Variants in MAPKAP1 observed in about 807,000 individuals in gnomAD.
MAPKAP1 encodes the protein MAPK associated protein 1, also known as target of rapamycin complex 2 subunit MAPKAP1.
In MAPKAP1, 20 loss-of-function variants were observed where a neutral mutation model predicts 65.7. The observed-to-expected ratio is 0.30, with a 90% confidence interval of 0.21 to 0.44. The LOEUF (loss-of-function observed/expected upper bound fraction) is 0.44. MAPKAP1 is among the 20% of genes least tolerant of loss of function. MAPKAP1 has a pLI of 1.00. For missense variants in MAPKAP1, 423 were observed against 648.0 expected (o/e 0.65, Z 3.77); for synonymous variants, 222 against 244.3 (o/e 0.91, Z 0.85).
At chr9:125,554,442 G>C (rs946324445) in intron 6 of MAPKAP1, among the ~76,000 whole-genome samples, 1 of 152,232 alleles carries the variant, frequency 6.6e-6, no homozygotes, top group Non-Finnish European at 1.5e-5. Context: ...AACAGGGAGA[G>C]TCCTGGACAA....
intron 11 of MAPKAP1, among the ~76,000 whole-genome samples, chr9:125,442,585 C>G (rs1334315506): frequency 6.7e-6 from 1 of 149,092 alleles, no homozygotes; most frequent in African/African-American, 2.5e-5. Flanking sequence ...TGGAATATTT[C>G]TCTGCCAGGT....
intron 3 of MAPKAP1, among the ~76,000 whole-genome samples, chr9:125,659,551 C>T (rs539615409): frequency 2.0e-5 from 3 of 152,084 alleles, no homozygotes; most frequent in Non-Finnish European, 4.4e-5. Context: ...CGAGGATGAA[C>T]TCCCTCTGCC....
chr9:125,438,796 G>T lies in MAPKAP1; in HGVS notation c.*91C>A. On this transcript the variant is annotated 3_prime_UTR_variant, in exon 12 of 12. Transcript: ENST00000265960. Reference sequence around the variant, plus strand: ...GTGAGCCAGGGGCTGGCCTCCCCCCGAGGACTTCAGGACACCGGGTGGACT... The same window carrying T: ...GTGAGCCAGGGGCTGGCCTCCCCCCTAGGACTTCAGGACACCGGGTGGACT... The T allele has an allele frequency of 1.9e-6, 3 of 1,549,492 alleles. No individual in the cohort carries two copies. The highest frequency in any genetic ancestry group is 2.6e-6 in the Non-Finnish European group (3 of 1,137,316).
intron 4 of MAPKAP1, among the ~76,000 whole-genome samples, chr9:125,652,586 T>C (rs1000688267): frequency 4.6e-5 from 7 of 152,166 alleles, no homozygotes; most frequent in African/African-American, 1.7e-4. Flanking sequence ...AAGTCACAGT[T>C]GTCTATATGA....
At chr9:125,705,247 C>T (rs1835722125) in intron 1 of MAPKAP1, among the ~76,000 whole-genome samples, 2 of 152,190 alleles carry the variant, frequency 1.3e-5, no homozygotes, top group African/African-American at 4.8e-5. Context: ...CAGATTTAGG[C>T]ATCAGACAGA....
intron 3 of MAPKAP1, among the ~76,000 whole-genome samples, chr9:125,658,864 G>A (rs1834106845): frequency 6.6e-6 from 1 of 152,084 alleles, no homozygotes. Flanking sequence ...ATCCGCAATA[G>A]ACGTGTTCAA....
At chr9:125,546,727 G>A (rs1254989893) in intron 6 of MAPKAP1, among the ~76,000 whole-genome samples, 1 of 151,432 alleles carries the variant, frequency 6.6e-6, no homozygotes, top group Non-Finnish European at 1.5e-5. Flanking sequence ...TAGTGGGCAG[G>A]AAAGGAAGGG....
chr9:125,661,707 T>C (rs983613661), intron 3 of MAPKAP1, among the ~76,000 whole-genome samples: 1 of 152,236 alleles, frequency 6.6e-6, no homozygotes, highest in Non-Finnish European at 1.5e-5. Context: ...TAGATTTCTC[T>C]GACTTTATCT....
At chr9:125,622,995 G>A (rs1350059857) in intron 4 of MAPKAP1, among the ~76,000 whole-genome samples, 11 of 152,142 alleles carry the variant, frequency 7.2e-5, no homozygotes, top group South Asian at 6.2e-4. Flanking sequence ...ACGGGGTTTC[G>A]CTGTGTTGGC....
chr9:125,574,372 G>C (rs1053709256), intron 5 of MAPKAP1, among the ~76,000 whole-genome samples: 1 of 152,220 alleles, frequency 6.6e-6, no homozygotes, highest in African/African-American at 2.4e-5. Context: ...GCCAGTAAAA[G>C]AATGTGATGC....
intron 4 of MAPKAP1, among the ~76,000 whole-genome samples, chr9:125,647,934 CT>C (rs59735781): frequency 0.48 from 67,735 of 140,540 alleles, 16,093 homozygotes; most frequent in East Asian, 0.64. Flanking sequence ...GTCCCAATAT[CT>C]TTTTTTTTTT....
intron 1 of MAPKAP1, among the ~76,000 whole-genome samples, chr9:125,676,061 T>C (rs1450218668): frequency 6.6e-6 from 1 of 152,166 alleles, no homozygotes; most frequent in Non-Finnish European, 1.5e-5. Flanking sequence ...TAAAAACAAA[T>C]TGTACTCTCT....
At chr9:125,640,715 A>C (rs1049231854) in intron 4 of MAPKAP1, among the ~76,000 whole-genome samples, 1 of 152,240 alleles carries the variant, frequency 6.6e-6, no homozygotes, top group Non-Finnish European at 1.5e-5. Context: ...TGATGCAGTC[A>C]AAGTCTTCTA....
chr9:125,600,668 C>CT (rs2131609729), intron 4 of MAPKAP1, among the ~76,000 whole-genome samples: 1 of 151,622 alleles, frequency 6.6e-6, no homozygotes, highest in East Asian at 1.9e-4. Flanking sequence ...GGAAAGGTCT[C>CT]TATCTTAATT....
At position 125,439,849 on chromosome 9, in the gene MAPKAP1, C is replaced by T. The variant is rs1852417555; in HGVS notation, c.1444-837G>A. Among the ~76,000 whole-genome samples the T allele has an allele frequency of 6.6e-6, 1 of 152,272 alleles. No individual in the cohort carries two copies. The highest frequency in any genetic ancestry group is 1.5e-5 in the Non-Finnish European group (1 of 68,048). ...GTGAGTGGGTGTCCAGCAGCAGAACCAGCACTGCAGCAGGCAAAGAGGAGC... is the reference window on the plus strand; with the variant it reads ...GTGAGTGGGTGTCCAGCAGCAGAACTAGCACTGCAGCAGGCAAAGAGGAGC... On this transcript the variant is annotated intron_variant, in intron 11 of 11. Transcript: ENST00000265960. This position sits in a 1 kb window ranked among gnomAD's most constrained non-coding sequence, Gnocchi z 4.0.
intron 7 of MAPKAP1, among the ~76,000 whole-genome samples, chr9:125,521,999 C>G (rs1231386879): frequency 2.0e-5 from 3 of 152,238 alleles, no homozygotes; most frequent in Non-Finnish European, 4.4e-5. Context: ...GTCTCTTCCT[C>G]TGTTAAATGC....
intron 5 of MAPKAP1, among the ~76,000 whole-genome samples, chr9:125,570,293 T>A (rs1831189145): frequency 6.6e-6 from 1 of 152,122 alleles, no homozygotes; most frequent in African/African-American, 2.4e-5. Flanking sequence ...CATGAAAAAA[T>A]TTGTGAAAGG....
intron 8 of MAPKAP1, among the ~76,000 whole-genome samples, chr9:125,489,529 C>T (rs769654775): frequency 5.3e-5 from 8 of 152,174 alleles, no homozygotes; most frequent in Middle Eastern, 3.4e-3. Context: ...CACCACAGCT[C>T]AAATGGACTG....
chr9:125,601,819 C>T (rs1055746845), intron 4 of MAPKAP1, among the ~76,000 whole-genome samples: 1 of 152,178 alleles, frequency 6.6e-6, no homozygotes, highest in Non-Finnish European at 1.5e-5. Context: ...CTATGTAACA[C>T]ATAAAGGCCA....
Sources: gnomAD v4.1 joint callset for allele counts (sites outside exome capture counted in the v4.1 genomes callset) on GRCh38, gnomAD v4.1.1 for gene constraint, Gnocchi (gnomAD v3.1) non-coding constraint, MANE v1.5 for transcripts, NCBI Gene and HGNC (gene_info 2026-07-23, HGNC 2026-07-21) for gene names.